DEPDC1: variants seen among roughly 807,000 people sequenced by gnomAD.
DEPDC1 encodes the protein DEP domain containing 1.
DEPDC1 carries 66 observed loss-of-function variants against 86.8 expected under a neutral mutation model. The ratio of observed to expected loss-of-function variants is 0.76; its 90% CI spans 0.62 to 0.93. The LOEUF is 0.93. Ranked by LOEUF, DEPDC1 falls within the 40% of genes least tolerant of loss-of-function variation. The pLI is 0.00. For missense variants in DEPDC1, 792 were observed against 935.7 expected, an observed-to-expected ratio of 0.85 and a Z score of 2.00; for synonymous variants, 255 against 314.9, an observed-to-expected ratio of 0.81 and a Z score of 2.02.
chr1:68,479,320 T>G lies in DEPDC1; in HGVS notation c.1936A>C (p.Met646Leu). The G allele has an allele frequency of 6.4e-7, 1 of 1,567,158 alleles. No homozygotes were observed. The highest frequency in any genetic ancestry group is 8.6e-7 in the Non-Finnish European group (1 of 1,158,348). The change falls in exon 10 of 12, where the codon ATG (methionine) becomes CTG (leucine). Residue 646 changes from methionine (M) to leucine (L), a missense_variant and splice_region_variant. Met to Leu is a conservative substitution (Grantham distance 15). Transcript: ENST00000456315. ...ACACATCGAGAAAAGGTATGTATCA[T>G]CTAGAAAAATATTAAAAGATGTGAA... ...LHDAMGTRSL[M>L]IHTFSRCVLC...
intron 5 of DEPDC1, among the ~76,000 whole-genome samples, chr1:68,487,686 A>G (rs1351644683): frequency 6.6e-6 from 1 of 151,948 alleles, no homozygotes; most frequent in Non-Finnish European, 1.5e-5. Flanking sequence ...GCCCATAAAA[A>G]GAAAACCAAA....
At chr1:68,477,289 G>A (rs1012796073) in intron 11 of DEPDC1, among the ~76,000 whole-genome samples, 3 of 151,244 alleles carry the variant, frequency 2.0e-5, no homozygotes, top group African/African-American at 4.9e-5. Flanking sequence ...TTTCTCTTCC[G>A]ATGTTAATTC....
chr1:68,496,802 C>T lies in DEPDC1; in HGVS notation c.48+150G>A, dbSNP rs1646268921. The T allele has an allele frequency of 6.6e-6, 5 of 762,914 alleles. No individual in the cohort carries two copies. The highest frequency in any genetic ancestry group is 5.4e-5 in the African/African-American group (3 of 55,548). 47.3% of individuals were successfully genotyped at this position (762,914 alleles called of 1,614,324 possible). On this transcript the variant is annotated intron_variant, in intron 1 of 11. Coordinates refer to ENST00000456315, the MANE Select transcript of DEPDC1 (RefSeq NM_001114120.3). This position sits in a 1 kb window ranked among gnomAD's most constrained non-coding sequence, Gnocchi z 4.0. ...TCTGGCAAGGGTTGCATACCCGCTA[C>T]TTCTCCTCGCCAGCCTTTTCACTGA...
Position 68,476,758 on chromosome 1 carries a change from CTAGT to C in DEPDC1, c.*170_*173del, listed in dbSNP as rs1646118042. 1.9e-6 allele frequency: 1 copy of C among 537,318 alleles called. No individual in the cohort carries two copies. Among genetic ancestry groups the C allele is most frequent in the Non-Finnish European group, 3.2e-6 (1 of 312,976 alleles). 33.3% of individuals were successfully genotyped at this position (537,318 alleles called of 1,614,324 possible). A position where few individuals can be genotyped will look rare whatever the true frequency, so the allele number is the denominator to read the frequency against. ...ATTGTTATGTGCTCTCAATTGAGAT[CTAGT>C]TAGTTTCCTAAGAGTCTCACATTGA... is the stretch of plus-strand genomic sequence containing the variant. On this transcript the variant is annotated 3_prime_UTR_variant, in exon 12 of 12. Coordinates refer to ENST00000456315, the MANE Select transcript of DEPDC1 (RefSeq NM_001114120.3).
At chr1:68,480,740 A>C (rs1557617010) in intron 9 of DEPDC1, among the ~76,000 whole-genome samples, 2 of 151,956 alleles carry the variant, frequency 1.3e-5, no homozygotes, top group South Asian at 2.1e-4. Flanking sequence ...CTTCTTCTTT[A>C]TATTAGGTCT....
At position 68,482,807 on chromosome 1, in the gene DEPDC1, T is replaced by C; in HGVS notation, c.1001A>G (p.Asn334Ser). ...DPQSSKFLHL[N>S]NLNSFKSTEC... ...AGTTGATTTGAAGGAATTCAAATTG[T>C]TTAAGTGAAGGAATTTTGAAGACTG... The change falls in exon 8 of 12, where the codon AAC (asparagine) becomes AGC (serine). Residue 334 changes from asparagine to serine, a missense_variant. By Grantham distance (46) the Asn-to-Ser change is conservative. Transcript: ENST00000456315. 5.6e-6 allele frequency: 9 copies of C among 1,612,334 alleles called. No individual in the cohort carries two copies. Among genetic ancestry groups the C allele is most frequent in the Non-Finnish European group, 7.6e-6 (9 of 1,179,074 alleles).
At chr1:68,494,908 C>T (rs1557624150) in intron 1 of DEPDC1, among the ~76,000 whole-genome samples, 1 of 152,060 alleles carries the variant, frequency 6.6e-6, no homozygotes, top group Admixed American at 6.6e-5. Flanking sequence ...TTTGGGAGGC[C>T]GATGCGGGTG....
chr1:68,492,569 T>C (rs978098468), intron 2 of DEPDC1, among the ~76,000 whole-genome samples: 3 of 151,926 alleles, frequency 2.0e-5, no homozygotes, highest in African/African-American at 7.3e-5. Flanking sequence ...TAGCTGGGCG[T>C]GGTGGTGTGT....
In DEPDC1 at chr1:68,477,839, A is replaced by G. The variant is rs998798171; in HGVS notation, c.2246T>C (p.Ile749Thr). Residue 749 changes from isoleucine to threonine, a missense_variant, in exon 11 of 12, where the codon ATT becomes ACT. By Grantham distance (89) the Ile-to-Thr change is moderately conservative (BLOSUM62 -1). Coordinates refer to ENST00000456315, the MANE Select transcript of DEPDC1 (RefSeq NM_001114120.3). ...TAGAGGTAAACTCCTGTTTTTAATA[A>G]TATTTTCTAAAAGTTCTGCAATTGC... is the stretch of plus-strand genomic sequence containing the variant. Reference protein sequence around the residue: ...QAAIAELLENIIKNRSLPLKE... With the variant: ...QAAIAELLENTIKNRSLPLKE... The G allele has an allele frequency of 6.3e-7, 1 of 1,576,944 alleles. No individual in the cohort carries two copies. Among genetic ancestry groups the G allele is most frequent in the Non-Finnish European group, 8.6e-7 (1 of 1,161,790 alleles).
chr1:68,490,546 A>C (rs1229460037), intron 2 of DEPDC1, among the ~76,000 whole-genome samples: 1 of 152,182 alleles, frequency 6.6e-6, no homozygotes, highest in African/African-American at 2.4e-5. Context: ...TATTGTGAAT[A>C]CTGCTGCAAT....
At chr1:68,492,254 T>G (rs1469128940) in intron 2 of DEPDC1, among the ~76,000 whole-genome samples, 1 of 152,228 alleles carries the variant, frequency 6.6e-6, no homozygotes, top group Non-Finnish European at 1.5e-5. Context: ...TGGGAGGAAT[T>G]GACTTGTATA....
At chr1:68,489,683 AT>A in intron 2 of DEPDC1, 75 bp from the exon 3 acceptor site, 1 of 1,151,348 alleles carries the variant, frequency 8.7e-7, no homozygotes, top group Non-Finnish European at 1.2e-6. Flanking sequence ...TTTTTTTAAA[AT>A]TCACATAAAG....
chr1:68,489,704 T>C, intron 2 of DEPDC1, 96 bp from the exon 3 acceptor site: 1 of 806,862 alleles, frequency 1.2e-6, no homozygotes, highest in Non-Finnish European at 1.9e-6. Context: ...GAGCCTGACT[T>C]ATTAATACTA....
chr1:68,481,941 G>A, intron 8 of DEPDC1, 105 bp downstream of exon 8: 1 of 1,166,246 alleles, frequency 8.6e-7, no homozygotes, highest in Non-Finnish European at 1.2e-6. Flanking sequence ...CCTCTTGGAG[G>A]AAAAAAAATT....
intron 9 of DEPDC1, among the ~76,000 whole-genome samples, chr1:68,479,526 A>C (rs1646139403): frequency 6.6e-6 from 1 of 151,944 alleles, no homozygotes; most frequent in African/African-American, 2.4e-5. Flanking sequence ...TCCATGGCTG[A>C]GCATGGTGGT....
chr1:68,492,455 C>T (rs1244780415), intron 2 of DEPDC1, among the ~76,000 whole-genome samples: 2 of 151,906 alleles, frequency 1.3e-5, no homozygotes, highest in Non-Finnish European at 2.9e-5. Context: ...GCCTGTAATC[C>T]CAGCACTTTG....
Position 68,474,307 on chromosome 1 carries a change from A to G in DEPDC1, c.*2625T>C, listed in dbSNP as rs781715743. The G allele has an allele frequency of 6.6e-6, 1 of 152,130 alleles. No individual in the cohort carries two copies. The highest frequency in any genetic ancestry group is 2.4e-5 in the African/African-American group (1 of 41,442). The allele number at this position is 152,130 out of a possible 1,614,324, so 9.4% of individuals were successfully genotyped here. ...ACAACTCAGTTAGGTAGATACTTTA[A>G]TTCACATTTTACAGATGAGAAGATT... On this transcript the variant is annotated 3_prime_UTR_variant, in exon 12 of 12. Coordinates refer to ENST00000456315, the MANE Select transcript of DEPDC1 (RefSeq NM_001114120.3).
At chr1:68,488,616 A>G (rs1453295921) in intron 4 of DEPDC1, 112 bp from the exon 5 acceptor site, 7 of 932,068 alleles carry the variant, frequency 7.5e-6, no homozygotes, top group Non-Finnish European at 1.1e-5. Context: ...CAAATTTCTA[A>G]GACTTATATT....
Position 68,479,200 on chromosome 1 carries a change from G to A in DEPDC1, c.2056C>T (p.Pro686Ser). Reference sequence around the variant, plus strand: ...TCCACTGCAGTCTGTAAGTAAGAGGGTACTTGAAGAATTTCCTGATGATGA... The same window carrying A: ...TCCACTGCAGTCTGTAAGTAAGAGGATACTTGAAGAATTTCCTGATGATGA... ...MDHHQEILQVPSYLQTAVEKH... is the reference protein window; with the variant it reads ...MDHHQEILQVSSYLQTAVEKH... Residue 686 changes from proline (P) to serine (S), a missense_variant, in exon 10 of 12, where the codon CCC (proline) becomes TCC (serine). Pro to Ser is a moderately conservative substitution (Grantham distance 74). Coordinates refer to ENST00000456315, the MANE Select transcript of DEPDC1 (RefSeq NM_001114120.3). The A allele has an allele frequency of 6.2e-7, 1 of 1,611,948 alleles. No homozygotes were observed. Among genetic ancestry groups the A allele is most frequent in the South Asian group, 1.1e-5 (1 of 90,974 alleles).
Sources: gnomAD v4.1 joint callset for allele counts (sites outside exome capture counted in the v4.1 genomes callset) on GRCh38, gnomAD v4.1.1 for gene constraint, Gnocchi (gnomAD v3.1) non-coding constraint, MANE v1.5 for transcripts, NCBI Gene and HGNC (gene_info 2026-07-23, HGNC 2026-07-21) for gene names.